WDR64: variants seen among roughly 807,000 people sequenced by gnomAD.
WDR64 encodes WD repeat domain 64, also known as WD repeat-containing protein 64.
In WDR64, 112 loss-of-function variants were observed where a neutral mutation model predicts 139.3. The ratio of observed to expected loss-of-function variants is 0.80; its 90% CI spans 0.69 to 0.94. WDR64 has a LOEUF of 0.94. Among genes scored for constraint, WDR64 ranks in the 40% least tolerant of loss-of-function variants. The pLI, the probability that WDR64 is intolerant of heterozygous loss-of-function variation, is 0.00. For synonymous variants in WDR64, 444 were observed against 437.7 expected, an observed-to-expected ratio of 1.01 and a Z score of -0.18; for missense variants, 1,206 against 1,293.1, an observed-to-expected ratio of 0.93 and a Z score of 1.03.
intron 9 of WDR64, among the ~76,000 whole-genome samples, chr1:241,713,440 G>A (rs1668269915): frequency 1.4e-5 from 2 of 140,394 alleles, no homozygotes; most frequent in South Asian, 2.3e-4. Flanking sequence ...AGGAAGGGAA[G>A]GAAAGAAAGG....
intron 10 of WDR64, among the ~76,000 whole-genome samples, chr1:241,730,909 T>C (rs953015462): frequency 2.0e-5 from 3 of 152,198 alleles, no homozygotes; most frequent in African/African-American, 7.2e-5. Context: ...AACTTGATTG[T>C]GCAACTTGAA....
chr1:241,652,835 GT>G (rs199607001), intron 1 of WDR64, among the ~76,000 whole-genome samples: 14 of 152,000 alleles, frequency 9.2e-5, no homozygotes, highest in African/African-American at 2.7e-4. Flanking sequence ...TTTTGTTTTT[GT>G]TTTTTTTTTT....
rs1247982798 is a variant in WDR64, at chr1:241,671,109, T to A, written c.312T>A (p.Ile104=). ...FGYFSSEEDP[I]ASQLDEENLV... is the part of the protein sequence containing the mutation. The stretch of plus-strand genomic sequence containing the variant: ...ACTTCTCCTCTGAAGAAGATCCTAT[T>A]GCTTCCCAGTTGGATGAAGAAAATT... Residue 104 remains isoleucine (I), a synonymous_variant, in exon 3 of 28, where the codon ATT becomes ATA. Coordinates refer to ENST00000437684, the MANE Select transcript of WDR64 (RefSeq NM_001367482.1). The A allele has an allele frequency of 1.9e-5, 29 of 1,551,022 alleles. No individual in the cohort carries two copies. Among genetic ancestry groups the A allele is most frequent in the Non-Finnish European group, 2.4e-5 (28 of 1,146,830 alleles).
At chr1:241,800,998 T>C in intron 27 of WDR64, 134 bp from the exon 28 acceptor site, 1 of 676,392 alleles carries the variant, frequency 1.5e-6, no homozygotes, top group Non-Finnish European at 2.5e-6. Flanking sequence ...ATAGGATTGT[T>C]AAGTAAATAA....
At chr1:241,674,969 T>TCC (rs199899482) in intron 4 of WDR64, among the ~76,000 whole-genome samples, 1 of 11,464 alleles carries the variant, frequency 8.7e-5, no homozygotes, top group African/African-American at 2.5e-4. Flanking sequence ...CTCCCTTCTT[T>TCC]TTCTTTCCTT....
rs933177273 is a variant in WDR64 at position 241,699,546 on chromosome 1, AG to A, written c.974+11953del. ...TACAGATGTAAGAGAGGGGTATGAC[AG>A]GAGTGCTTAGAACATCTTAGGATAG... On this transcript the variant is annotated intron_variant, in intron 8 of 27. Coordinates refer to ENST00000437684, the MANE Select transcript of WDR64 (RefSeq NM_001367482.1). 5.0e-4 allele frequency among the ~76,000 whole-genome samples: 76 copies of A among 152,206 alleles called. 2 individuals are homozygous for A. Among genetic ancestry groups the A allele is most frequent in the African/African-American group, 1.7e-3 (70 of 41,540 alleles).
chr1:241,781,159 G>T (rs1658832239), intron 22 of WDR64, among the ~76,000 whole-genome samples: 1 of 152,148 alleles, frequency 6.6e-6, no homozygotes. Flanking sequence ...AAATGGAATT[G>T]CTATAAACTA....
chr1:241,740,700 C>G (rs1238327012), intron 11 of WDR64, among the ~76,000 whole-genome samples: 1 of 150,922 alleles, frequency 6.6e-6, no homozygotes, highest in Non-Finnish European at 1.5e-5. Context: ...AGGAGTCTCG[C>G]TCTGTCGCCC....
chr1:241,796,347 G>A lies in WDR64; in HGVS notation c.3169G>A (p.Gly1057Arg), dbSNP rs899070310. 2.5e-6 allele frequency: 4 copies of A among 1,613,310 alleles called. No individual in the cohort carries two copies. The East Asian group carries it at 6.7e-5, about 27-fold the overall frequency. The change falls in exon 27 of 28, where the codon GGA becomes AGA. Residue 1057 changes from glycine (G) to arginine (R), a missense_variant. Transcript: ENST00000437684. ...SSDGITGKKK[G>R]GHVQREKAPR... The stretch of plus-strand genomic sequence containing the variant: ...AGATGGCATTACAGGAAAGAAGAAG[G>A]GAGGTCATGTTCAACGTGAAAAAGT...
chr1:241,728,376 T>A (rs928417502), intron 10 of WDR64, among the ~76,000 whole-genome samples: 1 of 150,640 alleles, frequency 6.6e-6, no homozygotes, highest in South Asian at 2.1e-4. Flanking sequence ...GGCACATACA[T>A]GTTTTTGGTT....
chr1:241,801,066 G>T, intron 27 of WDR64, 66 bp from the exon 28 acceptor site: 2 of 1,350,858 alleles, frequency 1.5e-6, no homozygotes, highest in Non-Finnish European at 1.1e-6. Flanking sequence ...AATACACCTT[G>T]ACTCTGGAAA....
chr1:241,743,732 C>T (rs540817795), intron 12 of WDR64, among the ~76,000 whole-genome samples: 130 of 152,316 alleles, frequency 8.5e-4, no homozygotes, highest in African/African-American at 3.0e-3. Flanking sequence ...AAGGCCTCTA[C>T]TGTGTTTCCA....
intron 8 of WDR64, among the ~76,000 whole-genome samples, chr1:241,711,232 G>C (rs1668150636): frequency 1.4e-5 from 1 of 69,174 alleles, no homozygotes; most frequent in South Asian, 4.6e-4. Flanking sequence ...ACGAGACCTT[G>C]TCTCAAAAAA....
At chr1:241,772,649 G>C in intron 19 of WDR64, 143 bp from the exon 20 acceptor site, 1 of 770,504 alleles carries the variant, frequency 1.3e-6, no homozygotes, top group Non-Finnish European at 1.9e-6. Flanking sequence ...TTTTAGTAGA[G>C]ACGGGGTTTC....
At chr1:241,794,789 G>A (rs772950848) in intron 25 of WDR64, among the ~76,000 whole-genome samples, 1 of 152,132 alleles carries the variant, frequency 6.6e-6, no homozygotes, top group Non-Finnish European at 1.5e-5. Context: ...TTACAGGCAT[G>A]AGCCACCGTG....
At position 241,723,383 on chromosome 1, in the gene WDR64, G is replaced by A. The variant is rs759519562; in HGVS notation, c.1141G>A (p.Glu381Lys). ...KLVGHMFSIAEIVTNEKDQHV... is the reference protein window; with the variant it reads ...KLVGHMFSIAKIVTNEKDQHV... ...TGTAGGACACATGTTCAGTATCGCCGAGATCGTAACCAATGAAAAAGATCA... is the reference window on the plus strand; with the variant it reads ...TGTAGGACACATGTTCAGTATCGCCAAGATCGTAACCAATGAAAAAGATCA... Residue 381 changes from glutamate (E) to lysine (K), a missense_variant, in exon 10 of 28, where the codon GAG becomes AAG. Glu to Lys is a moderately conservative substitution (Grantham distance 56, BLOSUM62 1). Coordinates refer to ENST00000437684, the MANE Select transcript of WDR64 (RefSeq NM_001367482.1). 5.6e-6 allele frequency: 9 copies of A among 1,613,814 alleles called. No individual in the cohort carries two copies. Among genetic ancestry groups the A allele is most frequent in the South Asian group, 3.3e-5 (3 of 91,058 alleles).
chr1:241,797,939 T>C (rs1227008001), intron 27 of WDR64, among the ~76,000 whole-genome samples: 3 of 152,198 alleles, frequency 2.0e-5, no homozygotes, highest in Admixed American at 1.3e-4. Context: ...AAATATACTT[T>C]GCATTCTTTA....
At chr1:241,737,007 C>T (rs10802988) in intron 10 of WDR64, among the ~76,000 whole-genome samples, 46,084 of 152,088 alleles carry the variant, frequency 0.3, 7,770 homozygotes, top group East Asian at 0.5. Flanking sequence ...AAACAGTTTG[C>T]ATAGAAACAC....
At position 241,761,876 on chromosome 1, in the gene WDR64, C is replaced by T. The variant is rs186841221; in HGVS notation, c.1948-4342C>T. ...CGTGAGATTGCAGCAAGTTACGCTT[C>T]GCTTCTAATTCTAGTTCTCTTGCTA... On this transcript the variant is annotated intron_variant, in intron 15 of 27. Transcript: ENST00000437684. Among the ~76,000 whole-genome samples, 105 of 152,288 alleles carry T rather than the reference C, an allele frequency of 6.9e-4. 1 individual carries two copies. The highest frequency in any genetic ancestry group is 1.2e-3 in the South Asian group (6 of 4,826).
Sources: gnomAD v4.1 joint callset for allele counts (sites outside exome capture counted in the v4.1 genomes callset) on GRCh38, gnomAD v4.1.1 for gene constraint, MANE v1.5 for transcripts, NCBI Gene and HGNC (gene_info 2026-07-23, HGNC 2026-07-21) for gene names.